The following SCD5 variants were observed in gnomAD, a reference collection of about 807,000 sequenced individuals.
SCD5 encodes stearoyl-CoA desaturase 5.
In SCD5, 20 loss-of-function variants were observed where a neutral mutation model predicts 30.4. That is an observed-to-expected ratio of 0.66 (90% CI 0.46 to 0.96). The LOEUF (loss-of-function observed/expected upper bound fraction) is 0.96. SCD5 is among the 40% of genes least tolerant of loss of function. The pLI is 0.00. For synonymous variants in SCD5, 173 were observed against 176.4 expected, an observed-to-expected ratio of 0.98 and a Z score of 0.16; for missense variants, 381 against 443.3, an observed-to-expected ratio of 0.86 and a Z score of 1.26.
intron 1 of SCD5, among the ~76,000 whole-genome samples, chr4:82,791,561 G>A (rs1402685125): frequency 2.0e-5 from 3 of 152,160 alleles, no homozygotes; most frequent in South Asian, 4.1e-4. Context: ...CTAAGGAAAC[G>A]TGTGGATGGA....
intron 2 of SCD5, among the ~76,000 whole-genome samples, chr4:82,683,378 T>A (rs751635963): frequency 6.6e-6 from 1 of 152,194 alleles, no homozygotes; most frequent in Non-Finnish European, 1.5e-5. Context: ...GTAGTGCCCA[T>A]GTGAACACGA....
intron 2 of SCD5, among the ~76,000 whole-genome samples, chr4:82,704,708 A>G (rs999851402): frequency 4.6e-5 from 7 of 151,598 alleles, no homozygotes; most frequent in African/African-American, 1.4e-4. Context: ...TGCGTCTTCA[A>G]ACTTCAGATG....
At chr4:82,728,467 A>T (rs936810938) in intron 1 of SCD5, among the ~76,000 whole-genome samples, 8 of 152,226 alleles carry the variant, frequency 5.3e-5, no homozygotes, top group African/African-American at 4.8e-5. Flanking sequence ...CTCAGGAGTC[A>T]TGTGGCCAGA....
intron 1 of SCD5, among the ~76,000 whole-genome samples, chr4:82,729,929 C>T (rs1720590467): frequency 6.6e-6 from 1 of 152,104 alleles, no homozygotes; most frequent in South Asian, 2.1e-4. Flanking sequence ...ATTTACCTTC[C>T]CACAACTTGC....
Position 82,783,763 on chromosome 4 carries a change from A to C in SCD5, c.232+14543T>G, listed in dbSNP as rs188869224. ...GGTTGCAGTGAGCCGAGATCGCACC[A>C]TTGCACTCCAGCCTGGGCAACAAGA... On this transcript the variant is annotated intron_variant, in intron 1 of 4. Coordinates refer to ENST00000319540, the MANE Select transcript of SCD5 (RefSeq NM_001037582.3). 1.1e-4 allele frequency among the ~76,000 whole-genome samples: 16 copies of C among 151,578 alleles called. No homozygotes were observed. In the East Asian group the frequency reaches 2.9e-3, roughly 27 times the overall value.
chr4:82,631,541 T>TA, intron 4 of SCD5, 24 bp from the exon 5 acceptor site: 1 of 1,610,282 alleles, frequency 6.2e-7, no homozygotes, highest in Non-Finnish European at 8.5e-7. Context: ...CGGGCATTGA[T>TA]ATAATTCAAT....
At chr4:82,731,337 G>A (rs897575612) in intron 1 of SCD5, among the ~76,000 whole-genome samples, 2 of 152,194 alleles carry the variant, frequency 1.3e-5, no homozygotes, top group South Asian at 2.1e-4. Context: ...GGAGCCCATC[G>A]GGCCTGTGAA....
chr4:82,636,686 C>G lies in SCD5; in HGVS notation c.707G>C (p.Trp236Ser), dbSNP rs201024442. ...CATGTGGGCGGCGCTGTTGACCAGC[C>G]AGCTGATGTTGAGTGAGATGGTATA... ...LRYTISLNISWLVNSAAHMYG... is the reference protein window; with the variant it reads ...LRYTISLNISSLVNSAAHMYG... Residue 236 changes from tryptophan (W) to serine (S), a missense_variant, in exon 4 of 5, where the codon TGG (tryptophan) becomes TCG (serine). Transcript: ENST00000319540. 1.2e-6 allele frequency: 2 copies of G among 1,614,082 alleles called. No individual in the cohort carries two copies. Among genetic ancestry groups the G allele is most frequent in the Non-Finnish European group, 1.7e-6 (2 of 1,180,046 alleles).
rs1173416085 is a variant in SCD5, at chr4:82,695,141, C to T, written c.363+10142G>A. Among the ~76,000 whole-genome samples, 3 of 152,036 alleles carry T rather than the reference C, an allele frequency of 2.0e-5. No individual in the cohort carries two copies. The South Asian group carries it at 6.2e-4, about 32-fold the overall frequency. On this transcript the variant is annotated intron_variant, in intron 2 of 4. Transcript: ENST00000319540. ...GTGTCAGAATTACACTGAAGTACAC[C>T]AACTTGGGGTGGACACAGAGGACTG...
rs778660908 is a variant in SCD5, at chr4:82,636,849, A to T, written c.570-26T>A. 8.3e-6 allele frequency: 13 copies of T among 1,565,364 alleles called. 1 individual carries two copies. The South Asian group carries it at 1.5e-4, about 18-fold the overall frequency. ...CTACAGGGCAAGACACCATATCACCATGAGGACCCGCTGATGGGAGAGAGG... is the reference window on the plus strand; with the variant it reads ...CTACAGGGCAAGACACCATATCACCTTGAGGACCCGCTGATGGGAGAGAGG... On this transcript the variant is annotated intron_variant, in intron 3 of 4. Transcript: ENST00000319540.
chr4:82,794,110 T>G (rs1722157442), intron 1 of SCD5, among the ~76,000 whole-genome samples: 1 of 152,188 alleles, frequency 6.6e-6, no homozygotes, highest in Non-Finnish European at 1.5e-5. Context: ...ACTGCCTTGT[T>G]AATCTCCACC....
At chr4:82,643,382 A>G (rs1727581889) in intron 3 of SCD5, among the ~76,000 whole-genome samples, 1 of 152,248 alleles carries the variant, frequency 6.6e-6, no homozygotes, top group Non-Finnish European at 1.5e-5. Context: ...ATAGAATGCT[A>G]GTCAGCCATG....
intron 1 of SCD5, among the ~76,000 whole-genome samples, chr4:82,762,763 T>C (rs1342950337): frequency 6.6e-6 from 1 of 152,238 alleles, no homozygotes; most frequent in Non-Finnish European, 1.5e-5. Context: ...TTGGAGTTTC[T>C]CTTTCATTAA....
intron 1 of SCD5, among the ~76,000 whole-genome samples, chr4:82,754,431 A>C (rs1162781327): frequency 6.6e-6 from 1 of 151,524 alleles, no homozygotes; most frequent in Non-Finnish European, 1.5e-5. Flanking sequence ...AATACTTAGG[A>C]ATCTCAGTGC....
intron 1 of SCD5, among the ~76,000 whole-genome samples, chr4:82,735,609 G>A (rs11099547): frequency 0.4 from 60,885 of 152,116 alleles, 14,409 homozygotes; most frequent in South Asian, 0.6. Context: ...GGAAGGGGGG[G>A]CTCCTGACAA....
intron 2 of SCD5, among the ~76,000 whole-genome samples, chr4:82,687,417 C>T (rs930010070): frequency 6.6e-6 from 1 of 152,130 alleles, no homozygotes; most frequent in Admixed American, 6.6e-5. Flanking sequence ...TTTTGTAATA[C>T]AGGAGAAACA....
At chr4:82,796,805 G>A (rs1209841247) in intron 1 of SCD5, among the ~76,000 whole-genome samples, 3 of 152,140 alleles carry the variant, frequency 2.0e-5, no homozygotes, top group African/African-American at 4.8e-5. Flanking sequence ...TGGCAGTGTC[G>A]GAGTGTGTTG....
intron 1 of SCD5, among the ~76,000 whole-genome samples, chr4:82,773,527 T>C (rs997213152): frequency 6.6e-6 from 1 of 152,158 alleles, no homozygotes; most frequent in African/African-American, 2.4e-5. Context: ...CTAAACTGAG[T>C]ACCCCCACCT....
chr4:82,694,241 C>T lies in SCD5; in HGVS notation c.363+11042G>A, dbSNP rs72916843. Reference sequence around the variant, plus strand: ...TTTTCAGTTTAACACAAGCCCACACCGTGCTTAGCAGCCCTGTGCTGACTC... The same window carrying T: ...TTTTCAGTTTAACACAAGCCCACACTGTGCTTAGCAGCCCTGTGCTGACTC... On this transcript the variant is annotated intron_variant, in intron 2 of 4. Transcript: ENST00000319540. 2.2e-3 allele frequency among the ~76,000 whole-genome samples: 340 copies of T among 152,324 alleles called. 5 individuals carry two copies. The highest frequency in any genetic ancestry group is 7.8e-3 in the African/African-American group (324 of 41,558).
Sources: gnomAD v4.1 joint callset for allele counts (sites outside exome capture counted in the v4.1 genomes callset) on GRCh38, gnomAD v4.1.1 for gene constraint, MANE v1.5 for transcripts, NCBI Gene and HGNC (gene_info 2026-07-23, HGNC 2026-07-21) for gene names.